NLGN1: variants seen among roughly 807,000 people sequenced by gnomAD.
The protein encoded by NLGN1 is neuroligin-1.
In NLGN1, 12 loss-of-function variants were observed where a neutral mutation model predicts 65.5. The observed-to-expected ratio is 0.18, with a 90% CI of 0.12 to 0.30. The LOEUF (loss-of-function observed/expected upper bound fraction) is 0.30. Ranked by LOEUF, NLGN1 falls within the 10% of genes least tolerant of loss-of-function variation. The pLI is 1.00. For missense variants in NLGN1, 750 were observed against 1,007.1 expected, an observed-to-expected ratio of 0.74 and a Z score of 3.46; for synonymous variants, 350 against 359.5, an observed-to-expected ratio of 0.97 and a Z score of 0.30.
intron 3 of NLGN1, among the ~76,000 whole-genome samples, chr3:173,665,601 A>G (rs1761584593): frequency 6.6e-6 from 1 of 152,158 alleles, no homozygotes; most frequent in South Asian, 2.1e-4. Flanking sequence ...CGCATGTGTA[A>G]ACAGTGCTAA....
intron 4 of NLGN1, among the ~76,000 whole-genome samples, chr3:173,822,362 A>G (rs1223656029): frequency 6.6e-6 from 1 of 152,132 alleles, no homozygotes; most frequent in Non-Finnish European, 1.5e-5. Context: ...ATTAATAAGT[A>G]ATAATGATTT....
At chr3:174,138,549 C>T (rs1050613709) in intron 4 of NLGN1, among the ~76,000 whole-genome samples, 1 of 151,816 alleles carries the variant, frequency 6.6e-6, no homozygotes, top group African/African-American at 2.4e-5. Context: ...ATTCTCCTGC[C>T]TCAGCCTCCC....
intron 1 of NLGN1, among the ~76,000 whole-genome samples, chr3:173,405,364 TAAG>T (rs138315613): frequency 0.038 from 5,748 of 152,056 alleles, 213 homozygotes; most frequent in African/African-American, 0.095. Flanking sequence ...CTAAGAAGAA[TAAG>T]AAGAATACCA....
intron 2 of NLGN1, among the ~76,000 whole-genome samples, chr3:173,464,636 T>C (rs192082314): frequency 6.6e-6 from 1 of 152,106 alleles, no homozygotes; most frequent in Non-Finnish European, 1.5e-5. Context: ...GGTTTCTCCA[T>C]GTTGGTCAGG....
chr3:174,247,187 G>A (rs1284505824), intron 4 of NLGN1, among the ~76,000 whole-genome samples: 1 of 152,132 alleles, frequency 6.6e-6, no homozygotes, highest in Admixed American at 6.5e-5. Context: ...GTGTTACTTG[G>A]AGATCAATAT....
chr3:174,051,724 A>G (rs1387170834), intron 4 of NLGN1, among the ~76,000 whole-genome samples: 2 of 152,038 alleles, frequency 1.3e-5, no homozygotes, highest in Admixed American at 1.3e-4. Context: ...CTTGAGAGCA[A>G]GTGACATTAG....
At chr3:173,539,303 A>G (rs1385559468) in intron 2 of NLGN1, among the ~76,000 whole-genome samples, 6 of 151,266 alleles carry the variant, frequency 4.0e-5, no homozygotes, top group Non-Finnish European at 7.4e-5. Flanking sequence ...GAGTGGGGAT[A>G]TGTACATTTG....
rs888712945 is a variant in NLGN1, at chr3:174,109,583, C to T, written c.647-165732C>T. 4.6e-5 allele frequency among the ~76,000 whole-genome samples: 7 copies of T among 151,804 alleles called. No homozygotes were observed. The South Asian group carries it at 1.2e-3, about 27-fold the overall frequency. Reference sequence around the variant, plus strand: ...CTCTTTTTCATATAATAATGTTTTTCTCTATATCTGACCTTATAACTCCAT... The same window carrying T: ...CTCTTTTTCATATAATAATGTTTTTTTCTATATCTGACCTTATAACTCCAT... On this transcript the variant is annotated intron_variant, in intron 4 of 6. Coordinates refer to ENST00000457714, the Ensembl canonical transcript of NLGN1.
chr3:173,705,627 A>G (rs1351014204), intron 3 of NLGN1, among the ~76,000 whole-genome samples: 2 of 152,220 alleles, frequency 1.3e-5, no homozygotes, highest in African/African-American at 2.4e-5. Flanking sequence ...AGGAAAATAG[A>G]AAATCTAAGA....
chr3:173,834,920 G>T (rs950288048), intron 4 of NLGN1, among the ~76,000 whole-genome samples: 1 of 152,148 alleles, frequency 6.6e-6, no homozygotes, highest in Non-Finnish European at 1.5e-5. Flanking sequence ...AAGAAGAGGC[G>T]TAATCTCTAC....
intron 1 of NLGN1, among the ~76,000 whole-genome samples, chr3:173,408,864 A>T (rs1426286768): frequency 6.7e-6 from 1 of 148,664 alleles, no homozygotes; most frequent in East Asian, 2.0e-4. Context: ...GTGAGCCGAG[A>T]TTGTGCCACT....
intron 3 of NLGN1, among the ~76,000 whole-genome samples, chr3:173,783,427 T>C (rs1227798993): frequency 2.0e-5 from 3 of 152,126 alleles, no homozygotes; most frequent in African/African-American, 7.2e-5. Flanking sequence ...CCTCACCTGC[T>C]CCAGATAAGA....
intron 4 of NLGN1, among the ~76,000 whole-genome samples, chr3:173,990,879 A>G (rs1720956239): frequency 6.6e-6 from 1 of 152,194 alleles, no homozygotes; most frequent in African/African-American, 2.4e-5. Context: ...TCTTATTAAA[A>G]CATTTTTTCT....
intron 3 of NLGN1, among the ~76,000 whole-genome samples, chr3:173,718,436 G>T (rs1770245665): frequency 2.0e-5 from 3 of 151,910 alleles, no homozygotes; most frequent in South Asian, 4.1e-4. Flanking sequence ...TTAACATAAT[G>T]ACCTCCAGTT....
chr3:173,443,340 G>A (rs1046676605), intron 2 of NLGN1, among the ~76,000 whole-genome samples: 145 of 87,320 alleles, frequency 1.7e-3, no homozygotes, highest in Non-Finnish European at 3.3e-3. Context: ...TATACACTAT[G>A]ACTATATATA....
intron 4 of NLGN1, among the ~76,000 whole-genome samples, chr3:173,821,463 A>G: frequency 6.6e-6 from 1 of 152,158 alleles, no homozygotes; most frequent in Middle Eastern, 3.2e-3. Flanking sequence ...TTGTATGAAA[A>G]TAAGCTTTAA....
intron 4 of NLGN1, among the ~76,000 whole-genome samples, chr3:174,168,145 G>C (rs1727876795): frequency 6.6e-6 from 1 of 151,924 alleles, no homozygotes; most frequent in Non-Finnish European, 1.5e-5. Context: ...TCTCTGTGTT[G>C]ATTTTCAACT....
intron 4 of NLGN1, among the ~76,000 whole-genome samples, chr3:173,992,223 A>T (rs1047770099): frequency 6.6e-6 from 1 of 152,162 alleles, no homozygotes; most frequent in East Asian, 1.9e-4. Context: ...TATTATTCAT[A>T]AGTATACATA....
chr3:173,595,765 C>A (rs895799146), intron 2 of NLGN1, among the ~76,000 whole-genome samples: 9 of 152,140 alleles, frequency 5.9e-5, no homozygotes, highest in Non-Finnish European at 8.8e-5. Context: ...TTGCAGGAGG[C>A]AAAAGGCACT....
Sources: gnomAD v4.1 joint callset for allele counts (sites outside exome capture counted in the v4.1 genomes callset) on GRCh38, gnomAD v4.1.1 for gene constraint, MANE v1.5 for transcripts, NCBI Gene and HGNC (gene_info 2026-07-23, HGNC 2026-07-21) for gene names.